The following USP9X variants were observed in gnomAD, a reference collection of about 807,000 sequenced individuals.
The protein encoded by USP9X is ubiquitin carboxyl-terminal hydrolase 9X.
Under a neutral mutation model 190.3 loss-of-function variants are expected in USP9X, and 7 were observed. That is an observed-to-expected ratio of 0.04 (90% confidence interval 0.02 to 0.07). The LOEUF (loss-of-function observed/expected upper bound fraction) is 0.07. Ranked by LOEUF, USP9X falls within the 10% of genes least tolerant of loss-of-function variation. The pLI is 1.00. For missense variants in USP9X, 1,010 were observed against 1,916.9 expected, an observed-to-expected ratio of 0.53 and a Z score of 8.83; for synonymous variants, 645 against 659.5, an observed-to-expected ratio of 0.98 and a Z score of 0.34.
At chrX:41,170,257 A>G in intron 19 of USP9X, 22 bp downstream of exon 19, 1 of 1,188,214 alleles carries the variant, frequency 8.4e-7, no homozygotes, top group Non-Finnish European at 1.1e-6. Flanking sequence ...TAGTTAACAG[A>G]TTTTTCAATA....
intron 1 of USP9X, among the ~76,000 whole-genome samples, chrX:41,088,191 G>C (rs190207827): frequency 8.9e-6 from 1 of 111,897 alleles, no homozygotes; most frequent in East Asian, 2.8e-4. Context: ...CACCGTGTTA[G>C]CCAGGATGGC....
At chrX:41,191,324 C>G (rs1174326410) in intron 26 of USP9X, among the ~76,000 whole-genome samples, 1 of 69,331 alleles carries the variant, frequency 1.4e-5, no homozygotes, top group Non-Finnish European at 2.7e-5. Context: ...AGTGAAACTC[C>G]ATGTCAAAAA....
At chrX:41,165,741 TG>T (rs2062673564) in intron 15 of USP9X, 130 bp from the exon 16 acceptor site, 1 of 551,649 alleles carries the variant, frequency 1.8e-6, no homozygotes, top group Non-Finnish European at 2.8e-6. Flanking sequence ...TAGGTTATTT[TG>T]AAAGAATGAA....
chrX:41,201,259 G>A lies in USP9X; in HGVS notation c.4803G>A (p.Gly1601=), dbSNP rs1194955031. Residue 1601 remains glycine, a synonymous_variant, in exon 31 of 45, where the codon GGG becomes GGA. Coordinates refer to ENST00000378308, the MANE Select transcript of USP9X (RefSeq NM_001039591.3). ...GTGATGTAGATGATGATATGTCTGG[G>A]GATGAGAAGCAGGACAATGAGGTAA... The part of the protein sequence containing the change: ...TGSDVDDDMS[G]DEKQDNESNV... 6 of 1,208,369 alleles carry A rather than the reference G, an allele frequency of 5.0e-6. No homozygotes were observed. The African/African-American group carries it at 8.7e-5, about 18-fold the overall frequency.
Position 41,214,673 on chromosome X carries a change from T to C in USP9X, c.5295T>C (p.Gly1765=), listed in dbSNP as rs772301431. Residue 1765 remains glycine, a synonymous_variant, in exon 34 of 45, where the codon GGT becomes GGC. Coordinates refer to ENST00000378308, the MANE Select transcript of USP9X (RefSeq NM_001039591.3). Reference sequence around the variant, plus strand: ...ATGTCAAAGGAGATTTACTAGAAGGTGCAAATGCATATCATTGTGAAAAAT... The same window carrying C: ...ATGTCAAAGGAGATTTACTAGAAGGCGCAAATGCATATCATTGTGAAAAAT... The part of the protein sequence containing the change: ...EQYVKGDLLE[G]ANAYHCEKCN... The C allele has an allele frequency of 6.7e-6, 8 of 1,196,113 alleles. No homozygotes were observed. The highest frequency in any genetic ancestry group is 9.0e-6 in the Non-Finnish European group (8 of 890,869).
chrX:41,087,778 A>G (rs922519494), intron 1 of USP9X, among the ~76,000 whole-genome samples: 1 of 112,079 alleles, frequency 8.9e-6, no homozygotes, highest in Non-Finnish European at 1.9e-5. Context: ...TTTTGCATGA[A>G]CATGTAACTT....
chrX:41,198,719 T>C lies in USP9X; in HGVS notation c.4572T>C (p.Thr1524=). 8.3e-7 allele frequency: 1 copy of C among 1,209,016 alleles called. No individual in the cohort carries two copies. Residue 1524 remains threonine (T), a synonymous_variant, in exon 30 of 45, where the codon ACT becomes ACC. Coordinates refer to ENST00000378308, the MANE Select transcript of USP9X (RefSeq NM_001039591.3). ...TCAAACAAATAGTAGATTCTTTGAC[T>C]GAAATGTATTACATTGGCACAGCAA... ...RNLKQIVDSL[T]EMYYIGTAIT...
At chrX:41,110,809 G>T (rs1172922968) in intron 1 of USP9X, among the ~76,000 whole-genome samples, 4 of 111,999 alleles carry the variant, frequency 3.6e-5, no homozygotes, top group African/African-American at 1.3e-4. Context: ...ATATGTACCA[G>T]ATGGAGAAGA....
chrX:41,105,454 T>TC (rs2062062654), intron 1 of USP9X, among the ~76,000 whole-genome samples: 1 of 112,367 alleles, frequency 8.9e-6, no homozygotes, highest in East Asian at 2.8e-4. Context: ...CCCTCAAGGT[T>TC]CATCCATATT....
chrX:41,172,466 A>G (rs1361710859), intron 21 of USP9X, among the ~76,000 whole-genome samples: 1 of 111,924 alleles, frequency 8.9e-6, no homozygotes, highest in African/African-American at 3.2e-5. Flanking sequence ...TTACTTTAGT[A>G]TATATATGTA....
rs1215810509 is a variant in USP9X, at chrX:41,188,128, T to C, written c.3810+11T>C. On this transcript the variant is annotated intron_variant, in intron 25 of 44. Transcript: ENST00000378308. ...AAAATTTATGAGAAGGTAAGAATTA[T>C]CACAGAACTATATTCCTTGTAAACA... 1 of 1,198,653 alleles carries C rather than the reference T, an allele frequency of 8.3e-7. No individual in the cohort carries two copies. The highest frequency in any genetic ancestry group is 1.1e-6 in the Non-Finnish European group (1 of 885,750).
chrX:41,106,558 T>G (rs2062070944), intron 1 of USP9X, among the ~76,000 whole-genome samples: 1 of 83,160 alleles, frequency 1.2e-5, no homozygotes, highest in Non-Finnish European at 2.2e-5. Flanking sequence ...TTAGACAGAG[T>G]CTTGCTCTGT....
chrX:41,177,988 T>C (rs2062790804), intron 21 of USP9X, among the ~76,000 whole-genome samples: 1 of 109,321 alleles, frequency 9.1e-6, no homozygotes, highest in African/African-American at 3.3e-5. Context: ...TGTTTCAAGC[T>C]TATCTATAGT....
At chrX:41,086,539 A>C (rs2146895682) in intron 1 of USP9X, among the ~76,000 whole-genome samples, 1 of 112,045 alleles carries the variant, frequency 8.9e-6, no homozygotes, top group Admixed American at 9.3e-5. Context: ...TCCACTTGAC[A>C]CCAAACGCCA....
At chrX:41,167,673 G>A in intron 17 of USP9X, 96 bp downstream of exon 17, 1 of 622,069 alleles carries the variant, frequency 1.6e-6, no homozygotes, top group Non-Finnish European at 2.4e-6. Context: ...AATGAATCTT[G>A]CCTTGTTAGT....
rs192169888 is a variant in USP9X, at chrX:41,104,770, A to C, written c.-159+18661A>C. On this transcript the variant is annotated intron_variant, in intron 1 of 44. Coordinates refer to ENST00000378308, the MANE Select transcript of USP9X (RefSeq NM_001039591.3). ...ATTAAAGCTTTTCAACAGTCTCTGGAGGTATTAGCCATCTTGAGAGAGAAA... is the reference window on the plus strand; with the variant it reads ...ATTAAAGCTTTTCAACAGTCTCTGGCGGTATTAGCCATCTTGAGAGAGAAA... Among the ~76,000 whole-genome samples the C allele has an allele frequency of 4.6e-3, 511 of 110,923 alleles. 1 individual carries two copies. The highest frequency in any genetic ancestry group is 6.9e-3 in the Non-Finnish European group (366 of 52,885).
At chrX:41,128,594 T>A (rs1226278600) in intron 2 of USP9X, among the ~76,000 whole-genome samples, 1 of 112,112 alleles carries the variant, frequency 8.9e-6, no homozygotes, top group Non-Finnish European at 1.9e-5. Context: ...TTCCAAGACC[T>A]CTTACCACTT....
At chrX:41,110,414 G>C (rs907030186) in intron 1 of USP9X, among the ~76,000 whole-genome samples, 1 of 111,966 alleles carries the variant, frequency 8.9e-6, no homozygotes, top group Admixed American at 9.5e-5. Flanking sequence ...TTTGTCTTGG[G>C]AGTGGGGTTA....
chrX:41,127,803 A>G (rs1224816603), intron 2 of USP9X, among the ~76,000 whole-genome samples: 2 of 112,443 alleles, frequency 1.8e-5, no homozygotes, highest in Non-Finnish European at 3.8e-5. Flanking sequence ...TTATTTTACA[A>G]CTGTTAAATA....
Sources: gnomAD v4.1 joint callset for allele counts (sites outside exome capture counted in the v4.1 genomes callset) on GRCh38, gnomAD v4.1.1 for gene constraint, MANE v1.5 for transcripts, NCBI Gene and HGNC (gene_info 2026-07-23, HGNC 2026-07-21) for gene names.